The following LRRC2 variants were observed in gnomAD, a reference collection of about 807,000 sequenced individuals.
The protein encoded by LRRC2 is leucine rich repeat containing 2.
In LRRC2, 27 loss-of-function variants were observed where a neutral mutation model predicts 40.2. The observed-to-expected ratio is 0.67, with a 90% CI of 0.49 to 0.93. LRRC2 has a LOEUF of 0.93. LRRC2 is among the 40% of genes least tolerant of loss of function. The pLI, the probability that LRRC2 is intolerant of heterozygous loss-of-function variation, is 0.00. For missense variants in LRRC2, 402 were observed against 439.6 expected (o/e 0.91, Z 0.76); for synonymous variants, 147 against 158.9 (o/e 0.92, Z 0.56).
intron 3 of LRRC2, 135 bp downstream of exon 3, chr3:46,544,911 G>A: frequency 1.2e-6 from 1 of 856,832 alleles, no homozygotes; most frequent in Admixed American, 1.9e-5. Flanking sequence ...TTCCAGGACT[G>A]CGCTGCGTTT....
chr3:46,531,109 G>T (rs983316594), intron 5 of LRRC2, among the ~76,000 whole-genome samples: 2 of 151,508 alleles, frequency 1.3e-5, no homozygotes, highest in Non-Finnish European at 2.9e-5. Flanking sequence ...AAAAACTGAT[G>T]GAATTAAAAG....
intron 3 of LRRC2, among the ~76,000 whole-genome samples, chr3:46,541,083 C>CA (rs1275337214): frequency 6.6e-6 from 1 of 152,144 alleles, no homozygotes; most frequent in Non-Finnish European, 1.5e-5. Context: ...CCTGTAATCC[C>CA]AGCACTTTGG....
chr3:46,524,051 A>G (rs1704013109), intron 7 of LRRC2, among the ~76,000 whole-genome samples: 1 of 152,204 alleles, frequency 6.6e-6, no homozygotes, highest in Non-Finnish European at 1.5e-5. Context: ...TTTTTGTGTA[A>G]TCACATCTCA....
At chr3:46,534,542 C>T (rs1443768794) in intron 4 of LRRC2, among the ~76,000 whole-genome samples, 1 of 151,924 alleles carries the variant, frequency 6.6e-6, no homozygotes, top group African/African-American at 2.4e-5. Flanking sequence ...ATGCACACCA[C>T]TTTCACACCA....
At chr3:46,556,858 T>C (rs1306380660) in intron 1 of LRRC2, among the ~76,000 whole-genome samples, 2 of 152,188 alleles carry the variant, frequency 1.3e-5, no homozygotes, top group African/African-American at 4.8e-5. Context: ...ATTACAGGCG[T>C]GAGCCATCGC....
At chr3:46,540,110 C>G (rs985536490) in intron 3 of LRRC2, among the ~76,000 whole-genome samples, 1 of 152,192 alleles carries the variant, frequency 6.6e-6, no homozygotes, top group Admixed American at 6.5e-5. Flanking sequence ...AGTGATCCTT[C>G]TTTTTTGTAC....
chr3:46,549,277 T>C (rs1438620779), intron 2 of LRRC2, among the ~76,000 whole-genome samples: 1 of 152,198 alleles, frequency 6.6e-6, no homozygotes, highest in Non-Finnish European at 1.5e-5. Flanking sequence ...ATTACTCCTT[T>C]GAACAGTAAA....
chr3:46,530,860 T>A lies in LRRC2; in HGVS notation c.628-810A>T, dbSNP rs151137784. ...TGGGAGCTGCAATTCAAGATGAGATTTGGGTGGGGACGCAGCCAAACCATA... is the reference window on the plus strand; with the variant it reads ...TGGGAGCTGCAATTCAAGATGAGATATGGGTGGGGACGCAGCCAAACCATA... On this transcript the variant is annotated intron_variant, in intron 5 of 8. Transcript: ENST00000395905. Among the ~76,000 whole-genome samples, 980 of 152,294 alleles carry A rather than the reference T, an allele frequency of 6.4e-3. 13 individuals are homozygous for A. Among genetic ancestry groups the A allele is most frequent in the African/African-American group, 0.022 (912 of 41,560 alleles).
At chr3:46,525,066 T>A (rs1215654177) in intron 7 of LRRC2, among the ~76,000 whole-genome samples, 1 of 150,776 alleles carries the variant, frequency 6.6e-6, no homozygotes, top group Non-Finnish European at 1.5e-5. Flanking sequence ...CTTCTAAATG[T>A]ACTGTAATTC....
chr3:46,553,698 G>A (rs933631394), intron 1 of LRRC2, among the ~76,000 whole-genome samples: 2 of 152,122 alleles, frequency 1.3e-5, no homozygotes, highest in East Asian at 1.9e-4. Flanking sequence ...ATGTTACCCA[G>A]GCTGGTCTTG....
At chr3:46,529,565 TAC>T (rs1467721580) in intron 6 of LRRC2, among the ~76,000 whole-genome samples, 1 of 152,262 alleles carries the variant, frequency 6.6e-6, no homozygotes, top group Admixed American at 6.5e-5. Context: ...ATTCTAAACA[TAC>T]AGTGATATGT....
intron 2 of LRRC2, among the ~76,000 whole-genome samples, chr3:46,548,698 T>C (rs1392673080): frequency 6.6e-6 from 1 of 152,162 alleles, no homozygotes; most frequent in Non-Finnish European, 1.5e-5. Flanking sequence ...TAACAATAGC[T>C]CTTTTATTTC....
rs112732212 is a variant in LRRC2, at chr3:46,547,172, C to T, written c.126-1919G>A. Among the ~76,000 whole-genome samples, 589 of 152,264 alleles carry T rather than the reference C, an allele frequency of 3.9e-3. 2 individuals carry two copies. Among genetic ancestry groups the T allele is most frequent in the African/African-American group, 0.013 (558 of 41,554 alleles). ...ATCAGATGTTTTGCTTTTAAGAAAC[C>T]ATTTCAGATATTGCTGGAGTTTCAT... On this transcript the variant is annotated intron_variant, in intron 2 of 8. Coordinates refer to ENST00000395905, the MANE Select transcript of LRRC2 (RefSeq NM_024512.5).
Position 46,518,750 on chromosome 3 carries a change from C to A in LRRC2, c.*264G>T. The A allele has an allele frequency of 5.6e-6, 2 of 357,546 alleles. No individual in the cohort carries two copies. Among genetic ancestry groups the A allele is most frequent in the African/African-American group, 2.1e-5 (1 of 47,612 alleles). 22.1% of individuals were successfully genotyped at this position (357,546 alleles called of 1,614,324 possible). On this transcript the variant is annotated 3_prime_UTR_variant, in exon 9 of 9. Transcript: ENST00000395905. ...TTCTTAAAAATAAGACATTTTAAAA[C>A]ATATTAAATGTGCATTATTTGGAAA... is the stretch of plus-strand genomic sequence containing the variant.
At chr3:46,548,680 T>G (rs1223609785) in intron 2 of LRRC2, among the ~76,000 whole-genome samples, 1 of 152,228 alleles carries the variant, frequency 6.6e-6, no homozygotes, top group East Asian at 1.9e-4. Flanking sequence ...AATTCTTCAC[T>G]TACAGCCTAA....
At chr3:46,549,703 A>T (rs1039043742) in intron 2 of LRRC2, among the ~76,000 whole-genome samples, 3 of 152,208 alleles carry the variant, frequency 2.0e-5, no homozygotes, top group Admixed American at 2.0e-4. Context: ...CAGATGAGAG[A>T]GCACAGTCTG....
At chr3:46,531,737 T>A (rs902729997) in intron 5 of LRRC2, among the ~76,000 whole-genome samples, 1 of 152,032 alleles carries the variant, frequency 6.6e-6, no homozygotes, top group African/African-American at 2.4e-5. Context: ...TCTCCTAGGG[T>A]GGAATGGGTG....
At position 46,545,552 on chromosome 3, in the gene LRRC2, T is replaced by C. The variant is rs9855597; in HGVS notation, c.126-299A>G. On this transcript the variant is annotated intron_variant, in intron 2 of 8. Transcript: ENST00000395905. ...CATGCCAACCTAAGTTTTAAAAAAGTGCAGGGCCACAGGGATTCACTGATC... is the reference window on the plus strand; with the variant it reads ...CATGCCAACCTAAGTTTTAAAAAAGCGCAGGGCCACAGGGATTCACTGATC... 5.7e-3 allele frequency among the ~76,000 whole-genome samples: 873 copies of C among 152,336 alleles called. 7 individuals carry two copies. Among genetic ancestry groups the C allele is most frequent in the African/African-American group, 0.02 (820 of 41,560 alleles).
At chr3:46,554,613 G>A (rs1042509829) in intron 1 of LRRC2, among the ~76,000 whole-genome samples, 1 of 148,672 alleles carries the variant, frequency 6.7e-6, no homozygotes, top group African/African-American at 2.5e-5. Flanking sequence ...GCGCACTCCA[G>A]TCTGGGAGAC....
Sources: allele counts gnomAD v4.1 joint callset (sites outside exome capture counted in the v4.1 genomes callset), GRCh38; gene constraint gnomAD v4.1.1; transcripts MANE v1.5; gene names NCBI Gene and HGNC (gene_info 2026-07-23, HGNC 2026-07-21).